Variants in FAM193A observed in about 807,000 individuals in gnomAD.
The protein encoded by FAM193A is protein FAM193A.
In FAM193A, 22 loss-of-function variants were observed where a neutral mutation model predicts 126.5. The observed-to-expected ratio is 0.17, with a 90% CI of 0.12 to 0.25. The LOEUF (loss-of-function observed/expected upper bound fraction) is 0.25. Among genes scored for constraint, FAM193A ranks in the 10% least tolerant of loss-of-function variants. FAM193A has a pLI of 1.00. For synonymous variants in FAM193A, 761 were observed against 646.8 expected, an observed-to-expected ratio of 1.18 and a Z score of -2.68; for missense variants, 1,675 against 1,672.8, an observed-to-expected ratio of 1.00 and a Z score of -0.02.
intron 1 of FAM193A, among the ~76,000 whole-genome samples, chr4:2,572,285 C>T (rs1193509940): frequency 1.0e-4 from 15 of 149,846 alleles, no homozygotes; most frequent in Non-Finnish European, 1.6e-4. Flanking sequence ...GCCAAGATCG[C>T]GCCACTGGAC....
At chr4:2,663,039 G>A in intron 11 of FAM193A, 48 bp downstream of exon 11, 4 of 1,593,976 alleles carry the variant, frequency 2.5e-6, no homozygotes, top group South Asian at 1.1e-5. Context: ...ATAAAATGAT[G>A]GTCTGACATT....
chr4:2,717,574 A>G (rs2109379973), intron 20 of FAM193A, among the ~76,000 whole-genome samples: 1 of 147,864 alleles, frequency 6.8e-6, no homozygotes, highest in Non-Finnish European at 1.5e-5. Context: ...CCAGCCTGGG[A>G]AACAGAGAGA....
intron 2 of FAM193A, among the ~76,000 whole-genome samples, chr4:2,614,717 A>T (rs1742081568): frequency 6.6e-6 from 1 of 152,240 alleles, no homozygotes; most frequent in Non-Finnish European, 1.5e-5. Flanking sequence ...GGCAGAATTC[A>T]CCAGTAAAGC....
rs114706005 is a variant in FAM193A at position 2,641,950 on chromosome 4, A to C, written c.1163+2091A>C. 5.0e-3 allele frequency among the ~76,000 whole-genome samples: 759 copies of C among 151,394 alleles called. 3 individuals carry two copies. The highest frequency in any genetic ancestry group is 0.017 in the African/African-American group (719 of 41,200). ...GACCCCATCTCTTAAAAAAGAAAAAAAAAGGGCCAGGTGCGGTGGCTCATG... is the reference window on the plus strand; with the variant it reads ...GACCCCATCTCTTAAAAAAGAAAAACAAAGGGCCAGGTGCGGTGGCTCATG... On this transcript the variant is annotated intron_variant, in intron 6 of 20. Coordinates refer to ENST00000637812, the MANE Select transcript of FAM193A (RefSeq NM_001366318.2).
At chr4:2,673,334 A>T (rs188083046) in intron 13 of FAM193A, among the ~76,000 whole-genome samples, 4 of 152,176 alleles carry the variant, frequency 2.6e-5, no homozygotes, top group Non-Finnish European at 5.9e-5. Context: ...TTCCAAACAC[A>T]TGTGTGTTTT....
At chr4:2,548,990 G>A (rs1189594172) in intron 1 of FAM193A, among the ~76,000 whole-genome samples, 1 of 151,656 alleles carries the variant, frequency 6.6e-6, no homozygotes, top group East Asian at 1.9e-4. Context: ...CCAGGCTGGA[G>A]TGTAGTGGTG....
rs938209607 is a variant in FAM193A, at chr4:2,722,849, G to T, written c.4454+6745G>T. The stretch of plus-strand genomic sequence containing the variant: ...GAGACAAATAAGTAAGTAAGTAAGA[G>T]ACAGGGTTTTGCCACATTGCCCAGG... On this transcript the variant is annotated intron_variant, in intron 20 of 20. Coordinates refer to ENST00000637812, the MANE Select transcript of FAM193A (RefSeq NM_001366318.2). Among the ~76,000 whole-genome samples the T allele has an allele frequency of 2.6e-5, 4 of 152,202 alleles. No homozygotes were observed. The South Asian group carries it at 6.2e-4, about 24-fold the overall frequency.
At chr4:2,577,415 TTTTTTTG>T (rs1739653934) in intron 1 of FAM193A, among the ~76,000 whole-genome samples, 1 of 130,904 alleles carries the variant, frequency 7.6e-6, no homozygotes, top group African/African-American at 3.4e-5. Context: ...AAAGTGGTTT[TTTTTTTG>T]TTTTTTTTTT....
At chr4:2,693,402 G>A (rs373173350) in intron 15 of FAM193A, among the ~76,000 whole-genome samples, 184 bp from the exon 16 acceptor site, 9 of 152,172 alleles carry the variant, frequency 5.9e-5, no homozygotes, top group East Asian at 1.9e-4. Flanking sequence ...ACTTGCAGAC[G>A]TTCGGCTAAA....
At chr4:2,561,074 G>C (rs548584535) in intron 1 of FAM193A, among the ~76,000 whole-genome samples, 1 of 152,206 alleles carries the variant, frequency 6.6e-6, no homozygotes, top group Admixed American at 6.5e-5. Flanking sequence ...TACTCTCCAG[G>C]CTTTGGTGAA....
rs1476860314 is a variant in FAM193A, at chr4:2,646,730, T to C, written c.1209T>C (p.Ser403=). 5.0e-6 allele frequency: 8 copies of C among 1,614,000 alleles called. No individual in the cohort carries two copies. Among genetic ancestry groups the C allele is most frequent in the Non-Finnish European group, 6.8e-6 (8 of 1,179,922 alleles). ...THDTCSEDTY[S]TLLQRYQRSE... Reference sequence around the variant, plus strand: ...ACACCTGCAGTGAGGACACATACAGTACCTTGCTGCAGAGGTACCAGCGTT... The same window carrying C: ...ACACCTGCAGTGAGGACACATACAGCACCTTGCTGCAGAGGTACCAGCGTT... Residue 403 remains serine, a synonymous_variant, in exon 7 of 21, where the codon AGT becomes AGC. Transcript: ENST00000637812.
At position 2,626,551 on chromosome 4, in the gene FAM193A, G is replaced by A. The variant is rs1354185358; in HGVS notation, c.777G>A (p.Lys259=). 2.9e-6 allele frequency: 2 copies of A among 701,752 alleles called. No homozygotes were observed. The highest frequency in any genetic ancestry group is 1.7e-5 in the African/African-American group (1 of 57,202). 43.5% of individuals were successfully genotyped at this position (701,752 alleles called of 1,614,324 possible). ...AGGACCAGTCTCTGGTGCCTGACAA[G>A]GAGGGAGTGAAGGAGCTCGTGGATA... ...DDQDQSLVPD[K]EGVKELVDRL... The change falls in exon 4 of 21, where the codon AAG becomes AAA. Residue 259 remains lysine, a synonymous_variant. Coordinates refer to ENST00000637812, the MANE Select transcript of FAM193A (RefSeq NM_001366318.2).
chr4:2,718,119 A>G (rs1405894979), intron 20 of FAM193A, among the ~76,000 whole-genome samples: 1 of 152,206 alleles, frequency 6.6e-6, no homozygotes, highest in Non-Finnish European at 1.5e-5. Flanking sequence ...TAAAGATTTC[A>G]CTTGAGAAAT....
intron 19 of FAM193A, among the ~76,000 whole-genome samples, chr4:2,709,780 C>T (rs1232085094): frequency 6.6e-6 from 1 of 152,166 alleles, no homozygotes; most frequent in Non-Finnish European, 1.5e-5. Context: ...GAACAATTCA[C>T]ATTGGGACCA....
chr4:2,727,077 G>A (rs13113593), intron 20 of FAM193A, among the ~76,000 whole-genome samples: 4,302 of 152,152 alleles, frequency 0.028, 85 homozygotes, highest in South Asian at 0.069. Flanking sequence ...TGGCCAACAT[G>A]GTGAAACCCC....
At chr4:2,690,154 C>G (rs1716200995) in intron 14 of FAM193A, among the ~76,000 whole-genome samples, 1 of 152,240 alleles carries the variant, frequency 6.6e-6, no homozygotes, top group African/African-American at 2.4e-5. Context: ...GGCATCTCTC[C>G]CCTTTACTAG....
intron 16 of FAM193A, 119 bp from the exon 17 acceptor site, chr4:2,694,827 C>A: frequency 1.2e-6 from 1 of 817,472 alleles, no homozygotes; most frequent in Non-Finnish European, 1.9e-6. Flanking sequence ...GGACTATGCA[C>A]CCTCTGCGCT....
chr4:2,555,695 G>A (rs1256044970), intron 1 of FAM193A, among the ~76,000 whole-genome samples: 22 of 152,114 alleles, frequency 1.4e-4, no homozygotes, highest in African/African-American at 5.3e-4. Flanking sequence ...TCGGCTCGCC[G>A]CAAGCTCTGC....
intron 1 of FAM193A, among the ~76,000 whole-genome samples, chr4:2,590,506 C>CAAACA (rs1560464715): frequency 9.0e-5 from 3 of 33,224 alleles, no homozygotes; most frequent in African/African-American, 7.3e-4. Flanking sequence ...CAAAAAAAAA[C>CAAACA]AAAAAAAAAA....
Sources: allele counts gnomAD v4.1 joint callset (sites outside exome capture counted in the v4.1 genomes callset), GRCh38; gene constraint gnomAD v4.1.1; transcripts MANE v1.5; gene names NCBI Gene and HGNC (gene_info 2026-07-23, HGNC 2026-07-21).